The following MED13 variants were observed in gnomAD, a reference collection of about 807,000 sequenced individuals.
MED13 encodes mediator complex subunit 13.
Under a neutral mutation model 225.2 loss-of-function variants are expected in MED13, and 23 were observed. The ratio of observed to expected loss-of-function variants is 0.10; its 90% confidence interval spans 0.07 to 0.14. The LOEUF (loss-of-function observed/expected upper bound fraction) is 0.14. Among genes scored for constraint, MED13 ranks in the 10% least tolerant of loss-of-function variants. The pLI is 1.00. For missense variants in MED13, 2,197 were observed against 2,594.5 expected (o/e 0.85, Z 3.33); for synonymous variants, 942 against 889.2 (o/e 1.06, Z -1.06).
chr17:61,962,842 A>G lies in MED13; in HGVS notation c.4974T>C (p.Ser1658=). The G allele has an allele frequency of 6.2e-7, 1 of 1,614,118 alleles. No individual in the cohort carries two copies. Among genetic ancestry groups the G allele is most frequent in the Non-Finnish European group, 8.5e-7 (1 of 1,179,988 alleles). The change falls in exon 21 of 30, where the codon TCT becomes TCC. Residue 1658 remains serine (S), a synonymous_variant. Coordinates refer to ENST00000397786, the MANE Select transcript of MED13 (RefSeq NM_005121.3). The stretch of plus-strand genomic sequence containing the variant: ...GTAGCCCCAATGTCCACACACTAGA[A>G]GAGTTAGTGCTCTCGTCTGTATTTT... The part of the protein sequence containing the change: ...TYENTDESTN[S]SSVWTLGLLR...
At chr17:62,049,287 G>C (rs2080932872) in intron 3 of MED13, among the ~76,000 whole-genome samples, 1 of 152,106 alleles carries the variant, frequency 6.6e-6, no homozygotes, top group African/African-American at 2.4e-5. Context: ...GTCCTTGAAG[G>C]TAGGGAGAAG....
At chr17:62,020,546 T>A (rs2080630535) in intron 8 of MED13, among the ~76,000 whole-genome samples, 1 of 151,874 alleles carries the variant, frequency 6.6e-6, no homozygotes, top group South Asian at 2.1e-4. Flanking sequence ...CCGGCTAATT[T>A]TTTTTTGTAC....
chr17:61,992,442 A>G (rs2080307524), intron 11 of MED13, 98 bp downstream of exon 11: 1 of 687,254 alleles, frequency 1.5e-6, no homozygotes, highest in East Asian at 2.7e-5. Flanking sequence ...AACATAATGA[A>G]TTATACAAAA....
chr17:61,989,081 G>C (rs765388420), intron 11 of MED13, among the ~76,000 whole-genome samples: 54 of 150,312 alleles, frequency 3.6e-4, no homozygotes, highest in Non-Finnish European at 6.8e-4. Flanking sequence ...GCGTGATCTC[G>C]GCTCACTGCA....
chr17:61,971,579 G>A (rs947937285), intron 17 of MED13, among the ~76,000 whole-genome samples: 1 of 152,078 alleles, frequency 6.6e-6, no homozygotes, highest in Admixed American at 6.6e-5. Context: ...AAGATTACAG[G>A]CGTGAGCCAC....
Position 62,010,960 on chromosome 17 carries a change from A to C in MED13, c.1557T>G (p.Thr519=), listed in dbSNP as rs2143589133. 6.2e-7 allele frequency: 1 copy of C among 1,612,914 alleles called. No homozygotes were observed. The highest frequency in any genetic ancestry group is 1.7e-4 in the Middle Eastern group (1 of 6,056). The stretch of plus-strand genomic sequence containing the variant: ...CCATTTCGGTGCCATGCATCTGAGG[A>C]GTCTTTGCTACATCATTAGTTCGGA... The part of the protein sequence containing the change: ...SNIRTNDVAK[T]PQMHGTEMAN... The change falls in exon 9 of 30, where the codon ACT becomes ACG. Residue 519 remains threonine, a synonymous_variant. Transcript: ENST00000397786.
At chr17:61,962,460 C>T (rs1437962553) in intron 21 of MED13, among the ~76,000 whole-genome samples, 1 of 152,118 alleles carries the variant, frequency 6.6e-6, no homozygotes, top group East Asian at 1.9e-4. Context: ...GTACATGCTA[C>T]ATTTTTCTAT....
chr17:62,063,255 G>C lies in MED13; in HGVS notation c.113C>G (p.Pro38Arg). 6.2e-7 allele frequency: 1 copy of C among 1,614,044 alleles called. No homozygotes were observed. Among genetic ancestry groups the C allele is most frequent in the Non-Finnish European group, 8.5e-7 (1 of 1,179,946 alleles). The change falls in exon 2 of 30, where the codon CCA (proline) becomes CGA (arginine). Residue 38 changes from proline to arginine, a missense_variant. Pro to Arg is a moderately radical substitution (Grantham distance 103). Around this residue, in one of 12 missense-constraint regions of MED13, gnomAD observed 884 missense variants for 918.5 expected, o/e 0.96. Transcript: ENST00000397786. The stretch of plus-strand genomic sequence containing the variant: ...AGGAAACAGAATAGGGGCAGAAGTT[G>C]GGCCTTGCCATACATATTTTTTCCA... ...IKWKKYVWQG[P>R]TSAPILFPVT...
chr17:62,011,070 T>G lies in MED13; in HGVS notation c.1447A>C (p.Ser483Arg). The change falls in exon 9 of 30, where the codon AGT (serine) becomes CGT (arginine). Residue 483 changes from serine (S) to arginine (R), a missense_variant. This residue lies in a region of MED13 where 884 missense variants were observed against 918.5 expected (regional missense o/e 0.96). Transcript: ENST00000397786. Reference protein sequence around the residue: ...LTPFHHRVSVSDDVGMDADSA... With the variant: ...LTPFHHRVSVRDDVGMDADSA... The stretch of plus-strand genomic sequence containing the variant: ...TCTGCGTCCATGCCAACATCATCAC[T>G]AACAGACACACGATGGTGAAAAGGA... 6.2e-7 allele frequency: 1 copy of G among 1,614,230 alleles called. No individual in the cohort carries two copies. The highest frequency in any genetic ancestry group is 8.5e-7 in the Non-Finnish European group (1 of 1,180,036).
intron 16 of MED13, among the ~76,000 whole-genome samples, chr17:61,980,180 T>C (rs1354541101): frequency 6.6e-6 from 1 of 152,120 alleles, no homozygotes; most frequent in East Asian, 1.9e-4. Context: ...AGAGCGAGAC[T>C]CTGTCTCAAA....
In MED13 at chr17:61,950,516, T is replaced by C. The variant is rs112052249; in HGVS notation, c.6291+309A>G. ...CTCCTGCCTTAGCCTCCCGAGTAGC[T>C]GGGACTACAGGCGCCCGCCACCACA... On this transcript the variant is annotated intron_variant, in intron 28 of 29. Coordinates refer to ENST00000397786, the MANE Select transcript of MED13 (RefSeq NM_005121.3). Among the ~76,000 whole-genome samples the C allele has an allele frequency of 5.9e-3, 893 of 152,136 alleles. 8 individuals are homozygous for C. The highest frequency in any genetic ancestry group is 0.02 in the African/African-American group (843 of 41,502).
chr17:62,021,843 AG>A (rs1197182640), intron 8 of MED13, among the ~76,000 whole-genome samples: 1 of 152,002 alleles, frequency 6.6e-6, no homozygotes, highest in South Asian at 2.1e-4. Flanking sequence ...TTTCCTTCCC[AG>A]CACTCATTCA....
intron 9 of MED13, chr17:62,004,221 G>A (rs571068678): frequency 6.6e-6 from 1 of 152,272 alleles, no homozygotes; most frequent in Admixed American, 6.5e-5. Context: ...GTTCTAAGGG[G>A]GTGTGTGTGT....
intron 9 of MED13, among the ~76,000 whole-genome samples, chr17:62,001,841 G>A (rs2080398150): frequency 6.6e-6 from 1 of 152,108 alleles, no homozygotes; most frequent in South Asian, 2.1e-4. Context: ...TCCTGCGTAA[G>A]AGAAACTTCA....
chr17:62,037,826 A>G (rs868836147), intron 3 of MED13, among the ~76,000 whole-genome samples: 1 of 151,284 alleles, frequency 6.6e-6, no homozygotes, highest in Non-Finnish European at 1.5e-5. Context: ...GTGGTGGCAC[A>G]CACCTGTAAT....
chr17:62,057,722 TA>T lies in MED13; in HGVS notation c.302-5018del, dbSNP rs367682593. On this transcript the variant is annotated intron_variant, in intron 2 of 29. Coordinates refer to ENST00000397786, the MANE Select transcript of MED13 (RefSeq NM_005121.3). ...TCCACTTAGTTTGAGCACTATTCAT[TA>T]TGATAAAATTCTGGTATAATAAAAC... Among the ~76,000 whole-genome samples, 156 of 152,332 alleles carry T rather than the reference TA, an allele frequency of 1.0e-3. 1 individual carries two copies. Among genetic ancestry groups the T allele is most frequent in the Non-Finnish European group, 1.9e-3 (131 of 68,028 alleles).
intron 8 of MED13, among the ~76,000 whole-genome samples, chr17:62,016,210 G>A (rs1288153028): frequency 2.7e-5 from 4 of 146,186 alleles, no homozygotes; most frequent in East Asian, 4.1e-4. Flanking sequence ...CCTACCCAAC[G>A]TATGAATAAT....
rs149217625 is a variant in MED13, at chr17:62,014,485, T to G, written c.1284-3252A>C. On this transcript the variant is annotated intron_variant, in intron 8 of 29. Coordinates refer to ENST00000397786, the MANE Select transcript of MED13 (RefSeq NM_005121.3). ...GTGCCCGCCACCACACTGGGCTGAT[T>G]TTTGTATTTTCAGTAGAGGTGGGGT... Among the ~76,000 whole-genome samples, 1,018 of 151,944 alleles carry G rather than the reference T, an allele frequency of 6.7e-3. 7 individuals carry two copies. Among genetic ancestry groups the G allele is most frequent in the Middle Eastern group, 0.034 (10 of 294 alleles).
At chr17:61,981,399 C>T (rs1221382150) in intron 16 of MED13, among the ~76,000 whole-genome samples, 2 of 152,196 alleles carry the variant, frequency 1.3e-5, no homozygotes, top group South Asian at 2.1e-4. Flanking sequence ...CTTCCCATCA[C>T]ATTTAGTATA....
Sources: gnomAD v4.1 joint callset for allele counts (sites outside exome capture counted in the v4.1 genomes callset) on GRCh38, gnomAD v4.1.1 for gene constraint, gnomAD v4.1.1 regional missense constraint, MANE v1.5 for transcripts, NCBI Gene and HGNC (gene_info 2026-07-23, HGNC 2026-07-21) for gene names.